The following CNKSR2 variants were observed in gnomAD, a reference collection of about 807,000 sequenced individuals.
The protein encoded by CNKSR2 is connector enhancer of kinase suppressor of Ras 2, also known as CNK homolog protein 2.
CNKSR2 carries 14 observed loss-of-function variants against 84.4 expected under a neutral mutation model. The ratio of observed to expected loss-of-function variants is 0.17; its 90% CI spans 0.11 to 0.26. CNKSR2 has a LOEUF of 0.26. Ranked by LOEUF, CNKSR2 falls within the 10% of genes least tolerant of loss-of-function variation. The pLI, the probability that CNKSR2 is intolerant of heterozygous loss-of-function variation, is 1.00. For synonymous variants in CNKSR2, 275 were observed against 277.9 expected, an observed-to-expected ratio of 0.99 and a Z score of 0.10; for missense variants, 485 against 771.2, an observed-to-expected ratio of 0.63 and a Z score of 4.40.
intron 20 of CNKSR2, among the ~76,000 whole-genome samples, chrX:21,638,678 T>C (rs1035059852): frequency 8.9e-5 from 10 of 112,101 alleles, no homozygotes; most frequent in African/African-American, 3.2e-4. Context: ...CTGATTTTCT[T>C]TGTGGTATCA....
intron 13 of CNKSR2, among the ~76,000 whole-genome samples, chrX:21,569,862 T>C (rs1463327461): frequency 6.2e-5 from 7 of 112,351 alleles, no homozygotes; most frequent in African/African-American, 2.3e-4. Flanking sequence ...CCAGGTACAT[T>C]GTCAATGAGC....
chrX:21,600,299 G>A (rs941519278), intron 17 of CNKSR2, among the ~76,000 whole-genome samples: 1 of 112,018 alleles, frequency 8.9e-6, no homozygotes, highest in Admixed American at 9.5e-5. Flanking sequence ...TGTCTTAGGA[G>A]AAAAAGTTCT....
At chrX:21,498,366 A>G (rs2091524130) in intron 7 of CNKSR2, among the ~76,000 whole-genome samples, 1 of 111,467 alleles carries the variant, frequency 9.0e-6, no homozygotes, top group African/African-American at 3.3e-5. Flanking sequence ...GACCTACTAA[A>G]TCAGAAATTC....
At chrX:21,601,206 A>T (rs2092479677) in intron 17 of CNKSR2, 76 bp from the exon 18 acceptor site, 1 of 595,171 alleles carries the variant, frequency 1.7e-6, no homozygotes, top group South Asian at 3.0e-5. Flanking sequence ...TAGACATTTT[A>T]AAATAAATGT....
intron 13 of CNKSR2, among the ~76,000 whole-genome samples, chrX:21,572,875 T>C (rs1224321231): frequency 9.0e-6 from 1 of 111,245 alleles, no homozygotes; most frequent in Non-Finnish European, 1.9e-5. Context: ...AAAAGAGAAC[T>C]TCCCAACAGT....
At chrX:21,547,258 G>GA (rs1279015641) in intron 11 of CNKSR2, among the ~76,000 whole-genome samples, 4 of 107,906 alleles carry the variant, frequency 3.7e-5, no homozygotes, top group South Asian at 4.0e-4. Context: ...TGGAAAGCAA[G>GA]AAAAAAAAAG....
intron 6 of CNKSR2, chrX:21,494,278 G>T (rs2091470849): frequency 9.0e-6 from 1 of 111,088 alleles, no homozygotes; most frequent in African/African-American, 3.3e-5. Context: ...GAATCATTTA[G>T]GACTCTTGTC....
chrX:21,608,995 A>G (rs1382038583), intron 19 of CNKSR2, 76 bp from the exon 20 acceptor site: 15 of 1,129,690 alleles, frequency 1.3e-5, no homozygotes, highest in African/African-American at 5.5e-5. Flanking sequence ...ATTACCTGGT[A>G]GAAACCGAAT....
At chrX:21,466,234 A>G (rs768781594) in intron 4 of CNKSR2, among the ~76,000 whole-genome samples, 2 of 111,905 alleles carry the variant, frequency 1.8e-5, no homozygotes, top group East Asian at 5.6e-4. Flanking sequence ...GGAATGTCAG[A>G]GGTGTACCTT....
chrX:21,625,791 G>T (rs189854895), intron 20 of CNKSR2, among the ~76,000 whole-genome samples: 23 of 111,979 alleles, frequency 2.1e-4, no homozygotes, highest in Non-Finnish European at 4.1e-4. Flanking sequence ...ACTTTAAGTA[G>T]ATCTTCTCAC....
intron 11 of CNKSR2, among the ~76,000 whole-genome samples, chrX:21,558,177 A>G (rs2092156099): frequency 9.0e-6 from 1 of 111,147 alleles, no homozygotes. Context: ...GTAATCAATG[A>G]TCTGTATATT....
intron 13 of CNKSR2, among the ~76,000 whole-genome samples, chrX:21,590,150 G>A: frequency 8.9e-6 from 1 of 111,740 alleles, no homozygotes; most frequent in Admixed American, 9.5e-5. Context: ...AACAGTAGGT[G>A]ATGGTGGCTT....
intron 13 of CNKSR2, among the ~76,000 whole-genome samples, chrX:21,587,043 G>A (rs1194472025): frequency 1.8e-5 from 2 of 111,723 alleles, no homozygotes; most frequent in African/African-American, 6.5e-5. Flanking sequence ...TAGATAAATT[G>A]TAACCTAGAC....
intron 20 of CNKSR2, chrX:21,641,449 T>C: frequency 9.2e-7 from 1 of 1,090,832 alleles, no homozygotes; most frequent in South Asian, 2.1e-5. Context: ...ATGATGGTAT[T>C]TCTAATACAA....
chrX:21,578,690 A>C (rs1363870087), intron 13 of CNKSR2, among the ~76,000 whole-genome samples: 1 of 111,204 alleles, frequency 9.0e-6, no homozygotes, highest in Non-Finnish European at 1.9e-5. Context: ...TCTTCTGATG[A>C]GCAAATCAGG....
chrX:21,389,467 G>T (rs1419020509), intron 1 of CNKSR2, among the ~76,000 whole-genome samples: 1 of 111,252 alleles, frequency 9.0e-6, no homozygotes, highest in South Asian at 3.7e-4. Context: ...TTTTTAAAAA[G>T]TTGTTCAAAT....
At chrX:21,491,765 A>T (rs1382936707) in intron 6 of CNKSR2, 2 of 111,745 alleles carry the variant, frequency 1.8e-5, no homozygotes, top group African/African-American at 6.5e-5. Flanking sequence ...ATAATCTAAA[A>T]TTTTTTTATT....
intron 4 of CNKSR2, among the ~76,000 whole-genome samples, chrX:21,466,115 A>G (rs987830896): frequency 3.6e-5 from 4 of 112,038 alleles, no homozygotes; most frequent in African/African-American, 1.3e-4. Flanking sequence ...TTTTTTTTGC[A>G]TATACAATAA....
rs747537583 is a variant in CNKSR2, at chrX:21,488,964, T to C, written c.562-1495T>C. Among the ~76,000 whole-genome samples the C allele has an allele frequency of 1.3e-4, 14 of 111,576 alleles. No homozygotes were observed. The South Asian group carries it at 3.8e-3, about 30-fold the overall frequency. On this transcript the variant is annotated intron_variant, in intron 5 of 21. Coordinates refer to ENST00000379510, the MANE Select transcript of CNKSR2 (RefSeq NM_014927.5). Reference sequence around the variant, plus strand: ...CTGAGGCTCACCTGAGACAAATGCATATCTGATTGCTTCCTCTGCCCTCTT... The same window carrying C: ...CTGAGGCTCACCTGAGACAAATGCACATCTGATTGCTTCCTCTGCCCTCTT...
Sources: gnomAD v4.1 joint callset for allele counts (sites outside exome capture counted in the v4.1 genomes callset) on GRCh38, gnomAD v4.1.1 for gene constraint, MANE v1.5 for transcripts, NCBI Gene and HGNC (gene_info 2026-07-23, HGNC 2026-07-21) for gene names.